ZNF304: variants seen among roughly 807,000 people sequenced by gnomAD.
ZNF304 encodes the protein zinc finger protein 304.
ZNF304 carries 7 observed loss-of-function variants against 7.8 expected under a neutral mutation model. That is an observed-to-expected ratio of 0.90 (90% CI 0.51 to 1.69). The LOEUF is 1.69. Ranked by LOEUF, ZNF304 falls within the 40% of genes most tolerant of loss-of-function variation. The pLI is 0.00. For missense variants in ZNF304, 669 were observed against 804.8 expected (o/e 0.83, Z 2.04); for synonymous variants, 280 against 272.4 (o/e 1.03, Z -0.27).
chr19:57,353,681 G>T, intron 1 of ZNF304, 44 bp from the exon 2 acceptor site: 1 of 1,567,744 alleles, frequency 6.4e-7, no homozygotes, highest in South Asian at 1.2e-5. Flanking sequence ...GGGGGTTCTG[G>T]GGAGAGATGC....
At position 57,357,662 on chromosome 19, in the gene ZNF304, G is replaced by A. The variant is rs748401143; in HGVS notation, c.1793G>A (p.Arg598His). ...ECSECGKFFS[R>H]NSGLILHQRV... ...AGTGAATGTGGGAAATTCTTTAGCC[G>A]CAACTCTGGCCTCATTCTGCACCAG... The change falls in exon 3 of 3, where the codon CGC becomes CAC. Residue 598 changes from arginine to histidine, a missense_variant. Arg to His is a conservative substitution (Grantham distance 29). Transcript: ENST00000282286. 21 of 1,613,988 alleles carry A rather than the reference G, an allele frequency of 1.3e-5. No individual in the cohort carries two copies. Among genetic ancestry groups the A allele is most frequent in the Non-Finnish European group, 1.8e-5 (21 of 1,179,972 alleles).
chr19:57,353,637 AGAGT>A (rs1383218060), intron 1 of ZNF304, 84 bp from the exon 2 acceptor site: 57 of 1,493,898 alleles, frequency 3.8e-5, no homozygotes, highest in Non-Finnish European at 5.0e-5. Flanking sequence ...GAGGGACTAG[AGAGT>A]GGGTGTGTGA....
rs963184806 is a variant in ZNF304, at chr19:57,351,346, G to A, written c.-319G>A. On this transcript the variant is annotated 5_prime_UTR_variant, in exon 1 of 3. Transcript: ENST00000282286. The surrounding 1 kb of genome is among the most constrained non-coding windows in gnomAD (Gnocchi z 4.1). Reference sequence around the variant, plus strand: ...TAGAGATCGGGTCGGCTTTCTACGCGGCTCTCGTGGAACCTAGCAAAGAAA... The same window carrying A: ...TAGAGATCGGGTCGGCTTTCTACGCAGCTCTCGTGGAACCTAGCAAAGAAA... 1.0e-5 allele frequency: 4 copies of A among 385,596 alleles called. No individual in the cohort carries two copies. In the East Asian group the frequency reaches 1.5e-4, roughly 14 times the overall value. The allele number at this position is 385,596 out of a possible 1,614,324, so 23.9% of individuals were successfully genotyped here.
chr19:57,353,821 C>T lies in ZNF304; in HGVS notation c.130C>T (p.Leu44=), dbSNP rs1449744199. The T allele has an allele frequency of 6.2e-7, 1 of 1,610,972 alleles. No homozygotes were observed. The highest frequency in any genetic ancestry group is 1.7e-4 in the Middle Eastern group (1 of 6,048). The change falls in exon 2 of 3, where the codon CTG becomes TTG. Residue 44 remains leucine (L), a synonymous_variant. Transcript: ENST00000282286. The part of the protein sequence containing the change: ...AQRFLYRDVM[L]ENFALVATLG... ...GAGATTCCTGTACCGTGATGTGATG[C>T]TGGAGAACTTTGCACTTGTGGCTAC...
In ZNF304 at chr19:57,356,099, T is replaced by C; in HGVS notation, c.230T>C (p.Val77Ala). 2.5e-6 allele frequency: 4 copies of C among 1,614,176 alleles called. No individual in the cohort carries two copies. Among genetic ancestry groups the C allele is most frequent in the Non-Finnish European group, 3.4e-6 (4 of 1,180,022 alleles). Reference sequence around the variant, plus strand: ...GTTTCTGTAGAAGGAGTGTCACAGGTCAGGACTGCTGAGTCAGGTCTTTTC... The same window carrying C: ...GTTTCTGTAGAAGGAGTGTCACAGGCCAGGACTGCTGAGTCAGGTCTTTTC... The part of the protein sequence containing the change: ...QSVSVEGVSQ[V>A]RTAESGLFQK... The change falls in exon 3 of 3, where the codon GTC becomes GCC. Residue 77 changes from valine (V) to alanine (A), a missense_variant. Transcript: ENST00000282286.
In ZNF304 at chr19:57,357,490, A is replaced by G; in HGVS notation, c.1621A>G (p.Ser541Gly). 1 of 1,613,356 alleles carries G rather than the reference A, an allele frequency of 6.2e-7. No homozygotes were observed. Among genetic ancestry groups the G allele is most frequent in the Non-Finnish European group, 8.5e-7 (1 of 1,179,596 alleles). The change falls in exon 3 of 3, where the codon AGC (serine) becomes GGC (glycine). Residue 541 changes from serine to glycine, a missense_variant. Physicochemically the swap from Ser to Gly is moderately conservative, Grantham distance 56. Coordinates refer to ENST00000282286, the MANE Select transcript of ZNF304 (RefSeq NM_020657.4). ...GTGCAATGAATGTGGGAAATGCTTT[A>G]GCCACAACTCCAGCCTCATTTTGCA... ...YECNECGKCF[S>G]HNSSLILHQR...
chr19:57,351,425 C>CT lies in ZNF304; in HGVS notation c.-239dup, dbSNP rs770459942. On this transcript the variant is annotated 5_prime_UTR_variant, in exon 1 of 3. An upstream open reading frame in the 5' UTR loses its in-frame stop. Coordinates refer to ENST00000282286, the MANE Select transcript of ZNF304 (RefSeq NM_020657.4). This position sits in a 1 kb window ranked among gnomAD's most constrained non-coding sequence, Gnocchi z 4.1. ...GCGCTTTTGTTACAATCCATGACCCCTGTCGTGGGACGGGCGGCCTCTCGC... is the reference window on the plus strand; with the variant it reads ...GCGCTTTTGTTACAATCCATGACCCCTTGTCGTGGGACGGGCGGCCTCTCGC... 1.2e-4 allele frequency: 72 copies of CT among 583,086 alleles called. No individual in the cohort carries two copies. The highest frequency in any genetic ancestry group is 2.1e-4 in the Non-Finnish European group (70 of 327,510). The allele number at this position is 583,086 out of a possible 1,614,324, so 36.1% of individuals were successfully genotyped here.
In ZNF304 at chr19:57,356,231, T is replaced by C. The variant is rs862708; in HGVS notation, c.362T>C (p.Leu121Pro). ...ACACAGAAACTGTGCACACGTGGGCTGTGTAGGAGAAGATTCTCGTTCAGT... is the reference window on the plus strand; with the variant it reads ...ACACAGAAACTGTGCACACGTGGGCCGTGTAGGAGAAGATTCTCGTTCAGT... ...HLTQKLCTRGLCRRRFSFSAN... is the reference protein window; with the variant it reads ...HLTQKLCTRGPCRRRFSFSAN... The change falls in exon 3 of 3, where the codon CTG becomes CCG. Residue 121 changes from leucine to proline, a missense_variant. By Grantham distance (98) the Leu-to-Pro change is moderately conservative. Transcript: ENST00000282286. The C allele has an allele frequency of 0.038, 61,604 of 1,614,154 alleles. 1,846 individuals are homozygous for C. Among genetic ancestry groups the C allele is most frequent in the East Asian group, 0.18 (8,013 of 44,874 alleles).
In ZNF304 at chr19:57,358,072, G is replaced by C. The variant is rs1042647615; in HGVS notation, c.*223G>C. 5.6e-6 allele frequency: 3 copies of C among 532,266 alleles called. No individual in the cohort carries two copies. Among genetic ancestry groups the C allele is most frequent in the East Asian group, 3.0e-5 (1 of 33,118 alleles). The allele number at this position is 532,266 out of a possible 1,614,324, so 33.0% of individuals were successfully genotyped here. A position where few individuals can be genotyped will look rare whatever the true frequency, so the allele number is the denominator to read the frequency against. On this transcript the variant is annotated 3_prime_UTR_variant, in exon 3 of 3. Transcript: ENST00000282286. ...ATGAGGTGTGTTGCACTTTGTAACTGTCTAGAGCTCTTGATGGAATTATAT... is the reference window on the plus strand; with the variant it reads ...ATGAGGTGTGTTGCACTTTGTAACTCTCTAGAGCTCTTGATGGAATTATAT...
rs1363153511 is a variant in ZNF304, at chr19:57,351,718, A to G, written c.33+21A>G. 2.4e-5 allele frequency: 39 copies of G among 1,607,884 alleles called. No homozygotes were observed. Among genetic ancestry groups the G allele is most frequent in the East Asian group, 6.7e-5 (3 of 44,728 alleles). On this transcript the variant is annotated intron_variant, in intron 1 of 2. Transcript: ENST00000282286. The surrounding 1 kb of genome is among the most constrained non-coding windows in gnomAD (Gnocchi z 4.1). ...TTCAGGTGAGTGGGGGCATCCCTCA[A>G]GCGCACCCCGGCCTGGTTGGTGTGT...
rs1275057560 is a variant in ZNF304 at position 57,358,595 on chromosome 19, C to T, written c.*746C>T. The T allele has an allele frequency of 6.6e-6, 1 of 152,232 alleles. No individual in the cohort carries two copies. The highest frequency in any genetic ancestry group is 2.4e-5 in the African/African-American group (1 of 41,450). The allele number at this position is 152,232 out of a possible 1,614,324, so 9.4% of individuals were successfully genotyped here. A position where few individuals can be genotyped will look rare whatever the true frequency, so the allele number is the denominator to read the frequency against. ...TGAAGGGAGTAGCACCTTTTGTGGG[C>T]ACCACCTTTATGTGCCTCAGAGGGG... is the stretch of plus-strand genomic sequence containing the variant. On this transcript the variant is annotated 3_prime_UTR_variant, in exon 3 of 3. Transcript: ENST00000282286.
Position 57,351,950 on chromosome 19 carries a change from G to A in ZNF304, c.33+253G>A. 1 of 463,040 alleles carries A rather than the reference G, an allele frequency of 2.2e-6. No individual in the cohort carries two copies. The highest frequency in any genetic ancestry group is 3.6e-5 in the East Asian group (1 of 27,710). The allele number at this position is 463,040 out of a possible 1,614,324, so 28.7% of individuals were successfully genotyped here. On this transcript the variant is annotated intron_variant, in intron 1 of 2. Transcript: ENST00000282286. This position sits in a 1 kb window ranked among gnomAD's most constrained non-coding sequence, Gnocchi z 4.1. ...GCCTGGTGAGAACAGGGACTAGGGG[G>A]TCAGAGGTAGGCCTGGAATGGCCGC...
At position 57,356,497 on chromosome 19, in the gene ZNF304, C is replaced by G; in HGVS notation, c.628C>G (p.Leu210Val). 6.2e-7 allele frequency: 1 copy of G among 1,614,174 alleles called. No homozygotes were observed. Among genetic ancestry groups the G allele is most frequent in the Non-Finnish European group, 8.5e-7 (1 of 1,180,026 alleles). The change falls in exon 3 of 3, where the codon CTC (leucine) becomes GTC (valine). Residue 210 changes from leucine to valine, a missense_variant. Coordinates refer to ENST00000282286, the MANE Select transcript of ZNF304 (RefSeq NM_020657.4). ...GGAGTCTTTCCCACACAGCTCCAGT[C>G]TCAGGCAACACCAAGGAGACTATGA... The part of the protein sequence containing the change: ...CMESFPHSSS[L>V]RQHQGDYDGQ...
Position 57,351,868 on chromosome 19 carries a change from G to A in ZNF304, c.33+171G>A, listed in dbSNP as rs1197018862. The A allele has an allele frequency of 4.7e-6, 3 of 631,792 alleles. No homozygotes were observed. Among genetic ancestry groups the A allele is most frequent in the Non-Finnish European group, 7.9e-6 (3 of 379,022 alleles). 39.1% of individuals were successfully genotyped at this position (631,792 alleles called of 1,614,324 possible). ...GGACTCGAAGGCGCAGGGGCAGTTC[G>A]TACAAATGCATGCATGGAGAGGAGA... is the stretch of plus-strand genomic sequence containing the variant. On this transcript the variant is annotated intron_variant, in intron 1 of 2. Coordinates refer to ENST00000282286, the MANE Select transcript of ZNF304 (RefSeq NM_020657.4). The surrounding 1 kb of genome is among the most constrained non-coding windows in gnomAD (Gnocchi z 4.1).
Position 57,357,886 on chromosome 19 carries a change from T to C in ZNF304, c.*37T>C. ...TCACACAAGAGAAAGGCCTTATGAA[T>C]GCAGAAAATATGTCATCTTGTTCAT... On this transcript the variant is annotated 3_prime_UTR_variant, in exon 3 of 3. Coordinates refer to ENST00000282286, the MANE Select transcript of ZNF304 (RefSeq NM_020657.4). The C allele has an allele frequency of 6.4e-7, 1 of 1,551,392 alleles. No homozygotes were observed. Among genetic ancestry groups the C allele is most frequent in the Non-Finnish European group, 8.7e-7 (1 of 1,153,650 alleles).
chr19:57,353,929 A>C (rs2088305683), intron 2 of ZNF304, 78 bp downstream of exon 2: 2 of 1,195,386 alleles, frequency 1.7e-6, no homozygotes, highest in Non-Finnish European at 2.3e-6. Context: ...ATAAAAATCA[A>C]TTATCTCTCC....
chr19:57,353,438 A>G (rs548388991), intron 1 of ZNF304, among the ~76,000 whole-genome samples: 3 of 152,238 alleles, frequency 2.0e-5, no homozygotes, highest in South Asian at 4.1e-4. Flanking sequence ...GGACAACACC[A>G]GGAGAACTGG....
rs1481110702 is a variant in ZNF304 at position 57,351,512 on chromosome 19, C to G, written c.-153C>G. 4.4e-6 allele frequency: 4 copies of G among 907,520 alleles called. No individual in the cohort carries two copies. The East Asian group carries it at 7.4e-5, about 17-fold the overall frequency. 56.2% of individuals were successfully genotyped at this position (907,520 alleles called of 1,614,324 possible). On this transcript the variant is annotated 5_prime_UTR_variant, in exon 1 of 3. Coordinates refer to ENST00000282286, the MANE Select transcript of ZNF304 (RefSeq NM_020657.4). The surrounding 1 kb of genome is among the most constrained non-coding windows in gnomAD (Gnocchi z 4.1). The stretch of plus-strand genomic sequence containing the variant: ...TCCACACACGTCCTCTTGTCCTTGT[C>G]TCCCCCAGAAGCAGCCGCCTTAGTC...
rs78935203 is a variant in ZNF304 at position 57,358,248 on chromosome 19, C to T, written c.*399C>T. 1.5e-5 allele frequency: 2 copies of T among 135,402 alleles called. No homozygotes were observed. Among genetic ancestry groups the T allele is most frequent in the African/African-American group, 6.1e-5 (2 of 32,586 alleles). The allele number at this position is 135,402 out of a possible 1,614,324, so 8.4% of individuals were successfully genotyped here. A position where few individuals can be genotyped will look rare whatever the true frequency, so the allele number is the denominator to read the frequency against. On this transcript the variant is annotated 3_prime_UTR_variant, in exon 3 of 3. Coordinates refer to ENST00000282286, the MANE Select transcript of ZNF304 (RefSeq NM_020657.4). ...ATTTTCAAGGACTTCCCCCCCCCCC[C>T]ACTTCACCCCCTACCATTGAGGGTC...
Sources: allele counts gnomAD v4.1 joint callset (sites outside exome capture counted in the v4.1 genomes callset), GRCh38; gene constraint gnomAD v4.1.1; non-coding constraint Gnocchi (gnomAD v3.1); transcripts MANE v1.5; gene names NCBI Gene and HGNC (gene_info 2026-07-23, HGNC 2026-07-21).